PHACTR2: variants seen among roughly 807,000 people sequenced by gnomAD.
PHACTR2 encodes the protein chromosome 6 open reading frame 56.
A neutral mutation model predicts 76.0 loss-of-function variants in PHACTR2; 30 were observed. That is an observed-to-expected ratio of 0.39 (90% CI 0.30 to 0.54). The LOEUF (loss-of-function observed/expected upper bound fraction) is 0.54. PHACTR2 is among the 20% of genes least tolerant of loss of function. The pLI is 0.61. For synonymous variants in PHACTR2, 292 were observed against 292.5 expected, an observed-to-expected ratio of 1.00 and a Z score of 0.02; for missense variants, 696 against 781.1, an observed-to-expected ratio of 0.89 and a Z score of 1.30.
rs1242185845 is a variant in PHACTR2, at chr6:143,828,577, AT to A, written c.*4890del. 1 of 152,204 alleles carries A rather than the reference AT, an allele frequency of 6.6e-6. No homozygotes were observed. Among genetic ancestry groups the A allele is most frequent in the East Asian group, 1.9e-4 (1 of 5,200 alleles). 9.4% of individuals were successfully genotyped at this position (152,204 alleles called of 1,614,324 possible). A position where few individuals can be genotyped will look rare whatever the true frequency, so the allele number is the denominator to read the frequency against. ...AGAAATGGAGGATCCTGTGGCAGCT[AT>A]TCCCACCTAAAGCCAACCCTATAAG... On this transcript the variant is annotated 3_prime_UTR_variant, in exon 13 of 13. Coordinates refer to ENST00000440869, the MANE Select transcript of PHACTR2 (RefSeq NM_001100164.2). This position sits in a 1 kb window ranked among gnomAD's most constrained non-coding sequence, Gnocchi z 4.7.
At chr6:143,812,031 G>A (rs1776185550) in intron 12 of PHACTR2, among the ~76,000 whole-genome samples, 1 of 151,990 alleles carries the variant, frequency 6.6e-6, no homozygotes, top group Non-Finnish European at 1.5e-5. Flanking sequence ...ACCAAGTAAG[G>A]CTTCCCTTCA....
intron 2 of PHACTR2, 182 bp from the exon 3 acceptor site, chr6:143,748,803 C>T: frequency 2.2e-6 from 1 of 455,002 alleles, no homozygotes; most frequent in Non-Finnish European, 3.9e-6. Flanking sequence ...GGGCTGCAGC[C>T]ATTTGCTCTT....
chr6:143,812,207 C>T (rs538540299), intron 12 of PHACTR2, among the ~76,000 whole-genome samples: 6 of 152,138 alleles, frequency 3.9e-5, no homozygotes, highest in African/African-American at 1.2e-4. Context: ...TCTCTATCTC[C>T]GGAGAGAGAC....
rs760257796 is a variant in PHACTR2 at position 143,748,986 on chromosome 6, A to G, written c.216A>G (p.Val72=). 1 of 1,502,078 alleles carries G rather than the reference A, an allele frequency of 6.7e-7. No individual in the cohort carries two copies. The allele number at this position is 1,502,078 out of a possible 1,614,324, so 93.0% of individuals were successfully genotyped here. ...ACTTGTGCTTGTTCTTTTTAAAAGTATTAGAAAGGAAGATATCCACACGAC... is the reference window on the plus strand; with the variant it reads ...ACTTGTGCTTGTTCTTTTTAAAAGTGTTAGAAAGGAAGATATCCACACGAC... ...TSDKFRETSA[V]LERKISTRQS... The change falls in exon 3 of 13, where the codon GTA becomes GTG. Residue 72 remains valine (V), a splice_region_variant and synonymous_variant. Transcript: ENST00000440869.
Position 143,654,440 on chromosome 6 carries a change from A to G in PHACTR2, c.13+46118A>G, listed in dbSNP as rs1299151238. ...CAGCCTAAAAGTGGAAACAACCCAA[A>G]TGTTCATCAAACTGATGAATTCGTA... On this transcript the variant is annotated intron_variant, in intron 1 of 11. Transcript: ENST00000305766. This position sits in a 1 kb window ranked among gnomAD's most constrained non-coding sequence, Gnocchi z 4.6. 6.6e-6 allele frequency among the ~76,000 whole-genome samples: 1 copy of G among 152,182 alleles called. No homozygotes were observed. Among genetic ancestry groups the G allele is most frequent in the East Asian group, 1.9e-4 (1 of 5,196 alleles).
rs748302869 is a variant in PHACTR2 at position 143,755,063 on chromosome 6, A to T, written c.454+1151A>T. Among the ~76,000 whole-genome samples the T allele has an allele frequency of 4.6e-5, 7 of 152,214 alleles. No individual in the cohort carries two copies. The highest frequency in any genetic ancestry group is 8.8e-5 in the Non-Finnish European group (6 of 68,046). ...TTTAAAAGTTTTAGAAGCCTGTGTA[A>T]ATAATCTGTTGGAAATGTATTATTT... is the stretch of plus-strand genomic sequence containing the variant. On this transcript the variant is annotated intron_variant, in intron 4 of 12. Coordinates refer to ENST00000440869, the MANE Select transcript of PHACTR2 (RefSeq NM_001100164.2). The surrounding 1 kb of genome is among the most constrained non-coding windows in gnomAD (Gnocchi z 5.2).
intron 1 of PHACTR2, among the ~76,000 whole-genome samples, chr6:143,584,130 C>T (rs1235950894): frequency 6.6e-6 from 1 of 152,178 alleles, no homozygotes; most frequent in Non-Finnish European, 1.5e-5. Context: ...CAGCTGTGAC[C>T]CATCACCACC....
rs939953594 is a variant in PHACTR2 at position 143,558,576 on chromosome 6, A to T, written c.217+21369A>T. Among the ~76,000 whole-genome samples, 19 of 152,342 alleles carry T rather than the reference A, an allele frequency of 1.2e-4. No individual in the cohort carries two copies. Among genetic ancestry groups the T allele is most frequent in the African/African-American group, 4.3e-4 (18 of 41,578 alleles). The stretch of plus-strand genomic sequence containing the variant: ...TTAGGCTACATGGTGGGGAGACCAG[A>T]AAGCTCACTATTTCACTTATTCCTG... On this transcript the variant is annotated intron_variant, in intron 1 of 11. Transcript: ENST00000367584. The surrounding 1 kb of genome is among the most constrained non-coding windows in gnomAD (Gnocchi z 4.7).
chr6:143,675,727 G>C (rs1777234490), upstream of PHACTR2, among the ~76,000 whole-genome samples: 1 of 152,186 alleles, frequency 6.6e-6, no homozygotes, highest in East Asian at 1.9e-4. This position sits in a 1 kb window ranked among gnomAD's most constrained non-coding sequence, Gnocchi z 4.9. Flanking sequence ...ATTCCCTAGA[G>C]AGAGGTAGTA....
Position 143,627,062 on chromosome 6 carries a change from G to T in PHACTR2, c.13+18740G>T, listed in dbSNP as rs1247270700. The stretch of plus-strand genomic sequence containing the variant: ...GATTAGAACTATTTCTTACCCTTGA[G>T]ACGCCAACACTGTTGTGAGGAGACC... On this transcript the variant is annotated intron_variant, in intron 1 of 11. Coordinates refer to the PHACTR2 transcript ENST00000305766. The surrounding 1 kb of genome is among the most constrained non-coding windows in gnomAD (Gnocchi z 4.3). Among the ~76,000 whole-genome samples the T allele has an allele frequency of 3.3e-5, 5 of 152,164 alleles. No individual in the cohort carries two copies. Among genetic ancestry groups the T allele is most frequent in the African/African-American group, 1.2e-4 (5 of 41,438 alleles).
rs765417888 is a variant in PHACTR2 at position 143,700,139 on chromosome 6, C to T, written c.47-11877C>T. On this transcript the variant is annotated intron_variant, in intron 1 of 12. Transcript: ENST00000440869. This position sits in a 1 kb window ranked among gnomAD's most constrained non-coding sequence, Gnocchi z 4.1. ...GGCTTTTATTTATCCACCAGCCTTT[C>T]GACTTAAATATATTGGTCTAGATTT... is the stretch of plus-strand genomic sequence containing the variant. Among the ~76,000 whole-genome samples, 8 of 152,134 alleles carry T rather than the reference C, an allele frequency of 5.3e-5. No individual in the cohort carries two copies. The highest frequency in any genetic ancestry group is 1.9e-4 in the East Asian group (1 of 5,196).
chr6:143,628,292 T>C (rs916716558), intron 1 of PHACTR2, among the ~76,000 whole-genome samples: 2 of 152,244 alleles, frequency 1.3e-5, no homozygotes, highest in African/African-American at 4.8e-5. Flanking sequence ...TTCCTATTGT[T>C]GCTGTAACAA....
chr6:143,716,588 C>G (rs1778307310), intron 2 of PHACTR2, among the ~76,000 whole-genome samples: 1 of 152,228 alleles, frequency 6.6e-6, no homozygotes, highest in South Asian at 2.1e-4. Flanking sequence ...ATCTGCCCAC[C>G]TCAGCTTACT....
intron 11 of PHACTR2, among the ~76,000 whole-genome samples, chr6:143,792,484 C>G (rs1775713714): frequency 6.6e-6 from 1 of 152,086 alleles, no homozygotes. Flanking sequence ...GCTCTAGTCA[C>G]TGTTTCTGTG....
rs918850054 is a variant in PHACTR2, at chr6:143,549,750, C to A, written c.217+12543C>A. On this transcript the variant is annotated intron_variant, in intron 1 of 11. Coordinates refer to the PHACTR2 transcript ENST00000367584. The surrounding 1 kb of genome is among the most constrained non-coding windows in gnomAD (Gnocchi z 4.2). Reference sequence around the variant, plus strand: ...CCTACTTTAACAGTTGCTCATTGAGCCTTCTTCTAAGGCTTCCCTTGATGT... The same window carrying A: ...CCTACTTTAACAGTTGCTCATTGAGACTTCTTCTAAGGCTTCCCTTGATGT... 6.6e-6 allele frequency among the ~76,000 whole-genome samples: 1 copy of A among 151,944 alleles called. No homozygotes were observed. The highest frequency in any genetic ancestry group is 2.4e-5 in the African/African-American group (1 of 41,406).
intron 1 of PHACTR2, among the ~76,000 whole-genome samples, chr6:143,586,783 A>C (rs990111631): frequency 2.6e-5 from 4 of 152,170 alleles, no homozygotes; most frequent in Non-Finnish European, 5.9e-5. Context: ...CTGACATGGC[A>C]CCCTGGTGGG....
rs1487830733 is a variant in PHACTR2, at chr6:143,823,618, T to G, written c.1923-56T>G. 2 of 1,442,092 alleles carry G rather than the reference T, an allele frequency of 1.4e-6. No homozygotes were observed. The highest frequency in any genetic ancestry group is 2.0e-6 in the Non-Finnish European group (2 of 1,024,682). 89.3% of individuals were successfully genotyped at this position (1,442,092 alleles called of 1,614,324 possible). On this transcript the variant is annotated intron_variant, in intron 12 of 12. Transcript: ENST00000440869. The surrounding 1 kb of genome is among the most constrained non-coding windows in gnomAD (Gnocchi z 5.7). ...CATGACCACGCCTTATTCAGCTCAC[T>G]GCATGCAGAATGTGCTCCTAGGCCA...
At chr6:143,699,835 T>C (rs11155320) in intron 1 of PHACTR2, among the ~76,000 whole-genome samples, 71,977 of 152,054 alleles carry the variant, frequency 0.47, 17,051 homozygotes, top group Middle Eastern at 0.58. Flanking sequence ...CCTGGGTTGC[T>C]GCAGTCATCT....
At chr6:143,773,966 C>A in intron 7 of PHACTR2, 93 bp from the exon 8 acceptor site, 1 of 1,031,506 alleles carries the variant, frequency 9.7e-7, no homozygotes, top group South Asian at 1.7e-5. Flanking sequence ...AGAATTTGGT[C>A]TGGGCTCTAT....
Sources: gnomAD v4.1 joint callset for allele counts (sites outside exome capture counted in the v4.1 genomes callset) on GRCh38, gnomAD v4.1.1 for gene constraint, Gnocchi (gnomAD v3.1) non-coding constraint, MANE v1.5 for transcripts, NCBI Gene and HGNC (gene_info 2026-07-23, HGNC 2026-07-21) for gene names.